DYNC2H1: variants seen among roughly 807,000 people sequenced by gnomAD.
The protein encoded by DYNC2H1 is dynein cytoplasmic 2 heavy chain 1.
Under a neutral mutation model 570.0 loss-of-function variants are expected in DYNC2H1, and 410 were observed. That is an observed-to-expected ratio of 0.72 (90% CI 0.66 to 0.78). The LOEUF (loss-of-function observed/expected upper bound fraction) is 0.78. Ranked by LOEUF, DYNC2H1 falls within the 30% of genes least tolerant of loss-of-function variation. DYNC2H1 has a pLI of 0.00. For missense variants in DYNC2H1, 4,865 were observed against 5,046.4 expected, an observed-to-expected ratio of 0.96 and a Z score of 1.09; for synonymous variants, 1,688 against 1,677.6, an observed-to-expected ratio of 1.01 and a Z score of -0.15.
chr11:103,471,542 T>G (rs1591807127), intron 88 of DYNC2H1, among the ~76,000 whole-genome samples: 1 of 152,144 alleles, frequency 6.6e-6, no homozygotes, highest in East Asian at 1.9e-4. Context: ...TTAAATATGT[T>G]TGTGTGTGTG....
rs1944426025 is a variant in DYNC2H1, at chr11:103,446,473, G to T, written c.12457-8713G>T. 6.6e-6 allele frequency among the ~76,000 whole-genome samples: 1 copy of T among 152,184 alleles called. No homozygotes were observed. Among genetic ancestry groups the T allele is most frequent in the Non-Finnish European group, 1.5e-5 (1 of 68,028 alleles). On this transcript the variant is annotated intron_variant, in intron 85 of 88. Transcript: ENST00000375735. This position sits in a 1 kb window ranked among gnomAD's most constrained non-coding sequence, Gnocchi z 4.5. ...GAGAAAAATCATGTTTGGCAACATG[G>T]AAGACGTTGGTGATCTTGAGGAGAT...
At chr11:103,400,497 T>C (rs959892712) in intron 84 of DYNC2H1, among the ~76,000 whole-genome samples, 1 of 152,206 alleles carries the variant, frequency 6.6e-6, no homozygotes, top group African/African-American at 2.4e-5. Flanking sequence ...AATTGGACCA[T>C]TTTAAATGAT....
chr11:103,132,622 A>T (rs1859333827), intron 13 of DYNC2H1, among the ~76,000 whole-genome samples: 1 of 142,448 alleles, frequency 7.0e-6, no homozygotes, highest in Non-Finnish European at 1.5e-5. Context: ...TATTTTAGAA[A>T]ACAGTCTCTT....
intron 75 of DYNC2H1, among the ~76,000 whole-genome samples, chr11:103,291,289 TTATC>T (rs1284347686): frequency 1.3e-5 from 2 of 151,830 alleles, no homozygotes; most frequent in Non-Finnish European, 2.9e-5. Context: ...AATACAAAAA[TTATC>T]TGGGTGTGGT....
chr11:103,246,857 A>G (rs1208873177), intron 65 of DYNC2H1, among the ~76,000 whole-genome samples: 2 of 152,016 alleles, frequency 1.3e-5, no homozygotes, highest in East Asian at 3.9e-4. Flanking sequence ...TTACTTTTCT[A>G]CTTACTGTGT....
chr11:103,128,505 G>A (rs1486117222), intron 12 of DYNC2H1, among the ~76,000 whole-genome samples: 1 of 152,196 alleles, frequency 6.6e-6, no homozygotes, highest in Non-Finnish European at 1.5e-5. Flanking sequence ...ATATCTCAAA[G>A]AATTTTTGGT....
Position 103,256,236 on chromosome 11 carries a change from A to T in DYNC2H1, c.10457A>T (p.Asp3486Val), listed in dbSNP as rs756092154. 1.9e-6 allele frequency: 3 copies of T among 1,596,504 alleles called. No homozygotes were observed. The highest frequency in any genetic ancestry group is 3.5e-5 in the Admixed American group (2 of 57,108). ...TCTTACAAACTCCAAATTTCCCTTG[A>T]TCAAGTAATTATTTCCTTCTTTGTA... is the stretch of plus-strand genomic sequence containing the variant. ...KESYKLQISL[D>V]QERDAYLPLA... Residue 3486 changes from aspartate to valine, a missense_variant, in exon 68 of 89, where the codon GAT (aspartate) becomes GTT (valine). Around this residue, in one of 5 missense-constraint regions of DYNC2H1, gnomAD observed 2,401 missense variants for 2,454.6 expected, o/e 0.98. Transcript: ENST00000375735. The surrounding 1 kb of genome is among the most constrained non-coding windows in gnomAD (Gnocchi z 4.0).
At chr11:103,253,261 C>G (rs759622457) in intron 65 of DYNC2H1, 24 bp from the exon 66 acceptor site, 2 of 1,590,900 alleles carry the variant, frequency 1.3e-6, no homozygotes, top group South Asian at 1.2e-5. Flanking sequence ...TCAGACCAAC[C>G]AATTGTGTGT....
In DYNC2H1 at chr11:103,305,704, T is replaced by C. The variant is rs191053580; in HGVS notation, c.11382+984T>C. Among the ~76,000 whole-genome samples, 15 of 116,872 alleles carry C rather than the reference T, an allele frequency of 1.3e-4. No homozygotes were observed. Among genetic ancestry groups the C allele is most frequent in the Middle Eastern group, 4.7e-3 (1 of 212 alleles). 76.7% of individuals were successfully genotyped at this position (116,872 alleles called of 152,430 possible). ...CCTAATTAATTGGCAACTACACACT[T>C]CCACAAATAGTCAGTAAATTTTTGA... On this transcript the variant is annotated intron_variant, in intron 77 of 88. Coordinates refer to ENST00000375735, the MANE Select transcript of DYNC2H1 (RefSeq NM_001377.3). This position sits in a 1 kb window ranked among gnomAD's most constrained non-coding sequence, Gnocchi z 4.3.
rs370827119 is a variant in DYNC2H1 at position 103,155,504 on chromosome 11, A to G, written c.3744+3A>G. 3.1e-6 allele frequency: 5 copies of G among 1,602,366 alleles called. No individual in the cohort carries two copies. In the Middle Eastern group the frequency reaches 5.0e-4, roughly 160 times the overall value. On this transcript the variant is annotated splice_donor_region_variant and intron_variant, in intron 25 of 88. Transcript: ENST00000375735. The stretch of plus-strand genomic sequence containing the variant: ...TAGCCAAAGCTGCCGACCTTAAAGT[A>G]TGAATCACTTTTATAAATATCCCAT...
chr11:103,166,627 G>A (rs1322557901), intron 31 of DYNC2H1, among the ~76,000 whole-genome samples: 4 of 152,010 alleles, frequency 2.6e-5, no homozygotes, highest in Admixed American at 6.6e-5. Flanking sequence ...TTTTCTTTTA[G>A]CATTTAAAGT....
rs1438787959 is a variant in DYNC2H1, at chr11:103,429,881, A to T, written c.12367-6062A>T. Among the ~76,000 whole-genome samples the T allele has an allele frequency of 2.6e-5, 4 of 152,162 alleles. No individual in the cohort carries two copies. The East Asian group carries it at 7.7e-4, about 29-fold the overall frequency. On this transcript the variant is annotated intron_variant, in intron 84 of 88. Coordinates refer to ENST00000375735, the MANE Select transcript of DYNC2H1 (RefSeq NM_001377.3). ...CTGAGTCTTTTTTCACACATCATAA[A>T]AACCTTGTGCAACTGCTAGTGTTTG...
intron 84 of DYNC2H1, among the ~76,000 whole-genome samples, chr11:103,433,201 TA>T (rs1435858518): frequency 6.6e-5 from 10 of 152,232 alleles, no homozygotes; most frequent in Admixed American, 2.0e-4. Context: ...CACTATGAAA[TA>T]TTTTTTATAT....
intron 82 of DYNC2H1, among the ~76,000 whole-genome samples, chr11:103,333,815 T>C (rs188079743): frequency 3.9e-5 from 6 of 152,310 alleles, no homozygotes; most frequent in Non-Finnish European, 4.4e-5. Flanking sequence ...TTAAGGACCA[T>C]AGAAAATTAA....
At chr11:103,115,125 T>G (rs1858312078) in intron 3 of DYNC2H1, 52 bp from the exon 4 acceptor site, 1 of 1,371,598 alleles carries the variant, frequency 7.3e-7, no homozygotes, top group African/African-American at 1.4e-5. Context: ...TTGTATTCAT[T>G]TTTTTTTCTC....
intron 84 of DYNC2H1, among the ~76,000 whole-genome samples, chr11:103,426,349 C>A (rs1167057679): frequency 1.3e-5 from 2 of 152,152 alleles, no homozygotes; most frequent in African/African-American, 4.8e-5. Flanking sequence ...GTGTGTGTGT[C>A]TTTAATTCCT....
intron 83 of DYNC2H1, among the ~76,000 whole-genome samples, chr11:103,366,189 G>GT (rs1940901254): frequency 6.6e-6 from 1 of 152,182 alleles, no homozygotes; most frequent in Admixed American, 6.5e-5. Flanking sequence ...TGGATTGAAT[G>GT]TAAGAGTCAC....
At chr11:103,304,518 A>G (rs1867191537) in intron 76 of DYNC2H1, 77 bp from the exon 77 acceptor site, 9 of 1,450,130 alleles carry the variant, frequency 6.2e-6, no homozygotes, top group Non-Finnish European at 8.3e-6. Context: ...GATTACTATT[A>G]TTGAATCTCA....
chr11:103,419,540 G>A (rs1943407585), intron 84 of DYNC2H1, among the ~76,000 whole-genome samples: 1 of 151,542 alleles, frequency 6.6e-6, no homozygotes, highest in South Asian at 2.1e-4. Context: ...AACCACAGCA[G>A]CCTTGTGGAA....
Sources: gnomAD v4.1 joint callset for allele counts (sites outside exome capture counted in the v4.1 genomes callset) on GRCh38, gnomAD v4.1.1 for gene constraint, gnomAD v4.1.1 regional missense constraint, Gnocchi (gnomAD v3.1) non-coding constraint, MANE v1.5 for transcripts, NCBI Gene and HGNC (gene_info 2026-07-23, HGNC 2026-07-21) for gene names.